FIG4: variants seen among roughly 807,000 people sequenced by gnomAD.
The protein encoded by FIG4 is polyphosphoinositide phosphatase.
Under a neutral mutation model 118.6 loss-of-function variants are expected in FIG4, and 112 were observed. The observed-to-expected ratio is 0.94, with a 90% CI of 0.81 to 1.11. The LOEUF is 1.11. Ranked by LOEUF, FIG4 falls within the 50% of genes least tolerant of loss-of-function variation. FIG4 has a pLI of 0.00. For missense variants in FIG4, 969 were observed against 1,111.7 expected, an observed-to-expected ratio of 0.87 and a Z score of 1.83; for synonymous variants, 369 against 381.2, an observed-to-expected ratio of 0.97 and a Z score of 0.37.
intron 1 of FIG4, among the ~76,000 whole-genome samples, chr6:109,694,842 A>T (rs1197094202): frequency 6.6e-6 from 1 of 152,216 alleles, no homozygotes; most frequent in Non-Finnish European, 1.5e-5. Flanking sequence ...AAATTACTCA[A>T]GGTCACTAAT....
At chr6:109,815,291 C>G (rs1050928149) in intron 22 of FIG4, among the ~76,000 whole-genome samples, 3 of 151,978 alleles carry the variant, frequency 2.0e-5, no homozygotes, top group South Asian at 2.1e-4. Context: ...CAGGGATGCC[C>G]TCTTCCTCTC....
chr6:109,767,129 A>G (rs1777303472), intron 15 of FIG4, among the ~76,000 whole-genome samples: 1 of 152,240 alleles, frequency 6.6e-6, no homozygotes, highest in Non-Finnish European at 1.5e-5. Context: ...GAGTTTTTAT[A>G]TAATGCAACA....
chr6:109,763,403 A>G (rs989357914), intron 12 of FIG4, among the ~76,000 whole-genome samples: 5 of 115,352 alleles, frequency 4.3e-5, no homozygotes, highest in African/African-American at 1.8e-4. Context: ...CATCTATAGT[A>G]TTTCATAACA....
chr6:109,734,729 A>G (rs1776110444), intron 5 of FIG4, among the ~76,000 whole-genome samples: 1 of 152,054 alleles, frequency 6.6e-6, no homozygotes, highest in African/African-American at 2.4e-5. Flanking sequence ...TAATAGAATT[A>G]TTTTTGCTCC....
chr6:109,708,858 A>G (rs144008483), intron 1 of FIG4, among the ~76,000 whole-genome samples: 1 of 152,204 alleles, frequency 6.6e-6, no homozygotes, highest in East Asian at 1.9e-4. Context: ...GATGGTGGAT[A>G]TTAGATCTCT....
chr6:109,736,906 G>C (rs1378157747), intron 6 of FIG4, among the ~76,000 whole-genome samples: 1 of 152,080 alleles, frequency 6.6e-6, no homozygotes, highest in Non-Finnish European at 1.5e-5. Flanking sequence ...TCTTCTGGGG[G>C]CTGCATTCAT....
chr6:109,822,243 C>T (rs562441408), intron 22 of FIG4, among the ~76,000 whole-genome samples: 1 of 152,064 alleles, frequency 6.6e-6, no homozygotes, highest in South Asian at 2.1e-4. Flanking sequence ...GGGGTTGGGG[C>T]ACCTGGAAGG....
intron 20 of FIG4, 93 bp from the exon 21 acceptor site, chr6:109,792,489 A>C: frequency 2.5e-6 from 2 of 795,038 alleles, no homozygotes; most frequent in South Asian, 3.0e-5. Flanking sequence ...CTTTTGTGGA[A>C]AAATTCACAG....
At chr6:109,797,222 C>A (rs934300760) in intron 22 of FIG4, among the ~76,000 whole-genome samples, 29 of 152,098 alleles carry the variant, frequency 1.9e-4, no homozygotes, top group African/African-American at 7.0e-4. Context: ...GCTGTATATC[C>A]CCATCAGTTC....
intron 15 of FIG4, among the ~76,000 whole-genome samples, chr6:109,773,305 A>G (rs1004085858): frequency 1.3e-5 from 2 of 152,162 alleles, no homozygotes; most frequent in Admixed American, 1.3e-4. Context: ...TTTACCATGT[A>G]GTAGAAAATA....
chr6:109,803,692 A>C (rs1306931818), intron 22 of FIG4, among the ~76,000 whole-genome samples: 2 of 151,960 alleles, frequency 1.3e-5, no homozygotes, highest in Admixed American at 6.6e-5. Flanking sequence ...ATATGTATAC[A>C]TGTGCCATGT....
At chr6:109,789,933 C>T (rs1420958922) in intron 19 of FIG4, among the ~76,000 whole-genome samples, 1 of 152,182 alleles carries the variant, frequency 6.6e-6, no homozygotes, top group Non-Finnish European at 1.5e-5. Context: ...AATAACTCAG[C>T]ATTCTCTGTT....
chr6:109,691,418 C>T lies in FIG4; in HGVS notation c.-18C>T, dbSNP rs1388701012. 4.5e-6 allele frequency: 7 copies of T among 1,566,978 alleles called. No homozygotes were observed. The highest frequency in any genetic ancestry group is 4.8e-5 in the East Asian group (2 of 42,040). ...CGGAGGCTCGTGCCCTGTTGTGGGG[C>T]CCCCATTTGCCGCCGCCATGCCCAC... On this transcript the variant is annotated 5_prime_UTR_variant, in exon 1 of 23. Transcript: ENST00000230124.
chr6:109,735,321 A>G (rs1279498441), intron 6 of FIG4, 23 bp downstream of exon 6: 1 of 1,584,140 alleles, frequency 6.3e-7, no homozygotes, highest in Non-Finnish European at 8.7e-7. Context: ...GATATATCTA[A>G]TGTATATTAA....
At chr6:109,743,504 T>C in intron 9 of FIG4, 171 bp from the exon 10 acceptor site, 1 of 677,060 alleles carries the variant, frequency 1.5e-6, no homozygotes, top group East Asian at 2.7e-5. Flanking sequence ...CATTCAAATG[T>C]AATAAATACA....
At chr6:109,698,800 C>G (rs1774814438) in intron 1 of FIG4, among the ~76,000 whole-genome samples, 1 of 152,134 alleles carries the variant, frequency 6.6e-6, no homozygotes. Context: ...AATTCATTTT[C>G]AAATGTTAAA....
intron 16 of FIG4, among the ~76,000 whole-genome samples, chr6:109,780,230 G>A (rs1053472129): frequency 4.6e-5 from 7 of 152,218 alleles, no homozygotes; most frequent in African/African-American, 1.7e-4. Flanking sequence ...CTTTGTTTTT[G>A]AGTCAGAGTC....
chr6:109,772,597 C>G lies in FIG4; in HGVS notation c.1751-4325C>G, dbSNP rs1401089379. Reference sequence around the variant, plus strand: ...TCAGCCTTCCGAGTAGCTGGCATTACAAGCATGTGCCACCACCTGGCTGAT... The same window carrying G: ...TCAGCCTTCCGAGTAGCTGGCATTAGAAGCATGTGCCACCACCTGGCTGAT... On this transcript the variant is annotated intron_variant, in intron 15 of 22. Transcript: ENST00000230124. Among the ~76,000 whole-genome samples the G allele has an allele frequency of 2.6e-5, 4 of 152,128 alleles. No homozygotes were observed. In the East Asian group the frequency reaches 7.7e-4, roughly 29 times the overall value.
At chr6:109,765,405 C>G (rs919382666) in intron 14 of FIG4, among the ~76,000 whole-genome samples, 3 of 152,052 alleles carry the variant, frequency 2.0e-5, no homozygotes, top group Non-Finnish European at 4.4e-5. Flanking sequence ...GAGACGGGTT[C>G]AGTTTCATTC....
Sources: allele counts gnomAD v4.1 joint callset (sites outside exome capture counted in the v4.1 genomes callset), GRCh38; gene constraint gnomAD v4.1.1; transcripts MANE v1.5; gene names NCBI Gene and HGNC (gene_info 2026-07-23, HGNC 2026-07-21).